LRRC4C: variants seen among roughly 807,000 people sequenced by gnomAD.
LRRC4C encodes leucine-rich repeat-containing protein 4C.
Under a neutral mutation model 33.6 loss-of-function variants are expected in LRRC4C, and 5 were observed. The observed-to-expected ratio is 0.15, with a 90% CI of 0.08 to 0.31. The LOEUF (loss-of-function observed/expected upper bound fraction) is 0.31. LRRC4C is among the 10% of genes least tolerant of loss of function. The pLI is 1.00. For synonymous variants in LRRC4C, 329 were observed against 302.0 expected (o/e 1.09, Z -0.93); for missense variants, 560 against 796.7 (o/e 0.70, Z 3.58).
intron 3 of LRRC4C, among the ~76,000 whole-genome samples, chr11:40,644,565 C>G (rs1942324732): frequency 1.3e-5 from 2 of 152,152 alleles, no homozygotes; most frequent in African/African-American, 4.8e-5. Flanking sequence ...GTGGTATATG[C>G]TTACCAAGAA....
At chr11:40,560,817 T>C (rs1000796006) in intron 3 of LRRC4C, among the ~76,000 whole-genome samples, 8 of 152,182 alleles carry the variant, frequency 5.3e-5, no homozygotes, top group Admixed American at 1.3e-4. Context: ...AAGTCACAGA[T>C]AATCTGCATT....
intron 1 of LRRC4C, among the ~76,000 whole-genome samples, chr11:40,987,654 T>TATA (rs1565274524): frequency 0.011 from 266 of 24,806 alleles, 5 homozygotes; most frequent in Admixed American, 0.036. Flanking sequence ...TATATATATC[T>TATA]CATATATATG....
At chr11:40,353,511 G>A (rs898623016) in intron 3 of LRRC4C, among the ~76,000 whole-genome samples, 3 of 152,076 alleles carry the variant, frequency 2.0e-5, no homozygotes, top group Admixed American at 6.6e-5. Context: ...GAGGCCAAAA[G>A]TTTGAGACCA....
intron 1 of LRRC4C, among the ~76,000 whole-genome samples, chr11:41,322,260 T>C (rs1950980842): frequency 6.6e-6 from 1 of 152,150 alleles, no homozygotes; most frequent in Admixed American, 6.6e-5. Flanking sequence ...AGATATCTAG[T>C]ATGATTTTTG....
chr11:41,310,058 C>T (rs1950604956), intron 1 of LRRC4C, among the ~76,000 whole-genome samples: 1 of 152,182 alleles, frequency 6.6e-6, no homozygotes, highest in South Asian at 2.1e-4. Context: ...TTTTATTTCT[C>T]ATTTCCTCCC....
rs375156630 is a variant in LRRC4C, at chr11:40,644,923, G to T, written c.-270+3219C>A. ...GATATTGTCATTGGGTATAAAGGGGGAACAGGCACTCGGGATCTCTGTGTT... is the reference window on the plus strand; with the variant it reads ...GATATTGTCATTGGGTATAAAGGGGTAACAGGCACTCGGGATCTCTGTGTT... On this transcript the variant is annotated intron_variant, in intron 3 of 6. Coordinates refer to ENST00000528697, the MANE Select transcript of LRRC4C (RefSeq NM_001258419.2). Among the ~76,000 whole-genome samples, 56 of 150,962 alleles carry T rather than the reference G, an allele frequency of 3.7e-4. No homozygotes were observed. In the South Asian group the frequency reaches 0.012, roughly 32 times the overall value.
chr11:40,477,911 T>G (rs1953325907), intron 3 of LRRC4C, among the ~76,000 whole-genome samples: 1 of 151,514 alleles, frequency 6.6e-6, no homozygotes, highest in African/African-American at 2.4e-5. Context: ...AACTGAATCA[T>G]GGGGGCAGGT....
At chr11:40,801,174 T>C (rs1231950691) in intron 2 of LRRC4C, among the ~76,000 whole-genome samples, 1 of 152,174 alleles carries the variant, frequency 6.6e-6, no homozygotes, top group East Asian at 1.9e-4. Flanking sequence ...TATTCTTCCC[T>C]CTTATTAAAA....
At chr11:41,316,284 A>C (rs1424248431) in intron 1 of LRRC4C, among the ~76,000 whole-genome samples, 2 of 151,164 alleles carry the variant, frequency 1.3e-5, no homozygotes, top group Non-Finnish European at 2.9e-5. Context: ...AAAAAACAAA[A>C]AAAAACAAAC....
chr11:40,940,131 G>A (rs2136575759), intron 1 of LRRC4C, among the ~76,000 whole-genome samples: 2 of 152,204 alleles, frequency 1.3e-5, no homozygotes, highest in Admixed American at 1.3e-4. Flanking sequence ...CACTGTCACA[G>A]TGTCATCCCT....
At chr11:40,991,892 G>A (rs1853596646) in intron 1 of LRRC4C, among the ~76,000 whole-genome samples, 1 of 152,074 alleles carries the variant, frequency 6.6e-6, no homozygotes, top group Admixed American at 6.5e-5. Flanking sequence ...CTCCTGCTGT[G>A]CAACCCAGTT....
chr11:40,115,474 G>A lies in LRRC4C; in HGVS notation c.819C>T (p.Asn273=), dbSNP rs1465577297. Residue 273 remains asparagine, a synonymous_variant, in exon 7 of 7, where the codon AAC becomes AAT. Transcript: ENST00000528697. This position sits in a 1 kb window ranked among gnomAD's most constrained non-coding sequence, Gnocchi z 6.7. ...GTAATGTTAGATTATTGTGTGCCAG[G>A]TTGATCTCCACTAGTGACTGAAGGT... ...FDNLQSLVEI[N]LAHNNLTLLP... The A allele has an allele frequency of 2.5e-6, 4 of 1,614,068 alleles. No homozygotes were observed. Among genetic ancestry groups the A allele is most frequent in the Non-Finnish European group, 3.4e-6 (4 of 1,180,042 alleles).
intron 1 of LRRC4C, among the ~76,000 whole-genome samples, chr11:41,392,113 G>A (rs1281353790): frequency 6.6e-6 from 1 of 151,810 alleles, no homozygotes; most frequent in Non-Finnish European, 1.5e-5. Context: ...AAATACAAAG[G>A]CATATGTAGG....
At chr11:40,927,306 G>A (rs569427823) in intron 2 of LRRC4C, among the ~76,000 whole-genome samples, 5 of 151,588 alleles carry the variant, frequency 3.3e-5, no homozygotes, top group South Asian at 4.2e-4. Flanking sequence ...CCCGAGAGGC[G>A]GAGGTTGCAA....
intron 2 of LRRC4C, among the ~76,000 whole-genome samples, chr11:40,737,163 T>A (rs1947913878): frequency 6.6e-6 from 1 of 152,126 alleles, no homozygotes; most frequent in Non-Finnish European, 1.5e-5. Flanking sequence ...TCAATAAAAT[T>A]CAGCACCACT....
At chr11:40,752,734 T>C (rs1472078168) in intron 2 of LRRC4C, among the ~76,000 whole-genome samples, 3 of 151,938 alleles carry the variant, frequency 2.0e-5, no homozygotes, top group Admixed American at 2.0e-4. Flanking sequence ...AAAACTAAAA[T>C]AGAACTACCA....
chr11:40,639,131 C>T (rs1326939385), intron 3 of LRRC4C, among the ~76,000 whole-genome samples: 1 of 151,104 alleles, frequency 6.6e-6, no homozygotes, highest in East Asian at 1.9e-4. Context: ...AGATATCTTA[C>T]CCCCAAAAAG....
chr11:40,337,938 A>T (rs1946702761), intron 3 of LRRC4C, among the ~76,000 whole-genome samples: 1 of 152,088 alleles, frequency 6.6e-6, no homozygotes, highest in Non-Finnish European at 1.5e-5. Context: ...AGACACCATC[A>T]TTCTTAAATC....
intron 2 of LRRC4C, among the ~76,000 whole-genome samples, chr11:40,688,072 T>C (rs536226426): frequency 6.6e-6 from 1 of 152,038 alleles, no homozygotes; most frequent in Non-Finnish European, 1.5e-5. Flanking sequence ...CTTACAAAAA[T>C]AATTTGAATT....
Sources: gnomAD v4.1 joint callset for allele counts (sites outside exome capture counted in the v4.1 genomes callset) on GRCh38, gnomAD v4.1.1 for gene constraint, Gnocchi (gnomAD v3.1) non-coding constraint, MANE v1.5 for transcripts, NCBI Gene and HGNC (gene_info 2026-07-23, HGNC 2026-07-21) for gene names.